TMEM102: variants seen among roughly 807,000 people sequenced by gnomAD.
TMEM102 encodes the protein transmembrane protein 102, also known as DANGER family member 2B.
Under a neutral mutation model 26.8 loss-of-function variants are expected in TMEM102, and 28 were observed. The ratio of observed to expected loss-of-function variants is 1.05; its 90% CI spans 0.77 to 1.43. The LOEUF is 1.43. Among genes scored for constraint, TMEM102 ranks in the 40% most tolerant of loss-of-function variants. TMEM102 has a pLI of 0.00. For synonymous variants in TMEM102, 306 were observed against 332.1 expected, an observed-to-expected ratio of 0.92 and a Z score of 0.86; for missense variants, 677 against 705.6, an observed-to-expected ratio of 0.96 and a Z score of 0.46.
In TMEM102 at chr17:7,436,237, G is replaced by C. The variant is rs1471740105; in HGVS notation, c.258G>C (p.Glu86Asp). The C allele has an allele frequency of 6.8e-6, 11 of 1,613,338 alleles. No homozygotes were observed. Among genetic ancestry groups the C allele is most frequent in the African/African-American group, 1.3e-5 (1 of 74,906 alleles). The change falls in exon 3 of 3, where the codon GAG becomes GAC. Residue 86 changes from glutamate (E) to aspartate (D), a missense_variant. Physicochemically the swap from Glu to Asp is conservative, Grantham distance 45 (BLOSUM62 2). Transcript: ENST00000323206. ...RRDPRFPPQAELLLLRGGIRE... is the reference protein window; with the variant it reads ...RRDPRFPPQADLLLLRGGIRE... ...ACCCTCGCTTTCCTCCCCAGGCAGA[G>C]CTCTTGCTGCTTCGTGGTGGGATTC...
At position 7,437,272 on chromosome 17, in the gene TMEM102, C is replaced by G. The variant is rs1908080090; in HGVS notation, c.1293C>G (p.Gly431=). 6.5e-7 allele frequency: 1 copy of G among 1,537,270 alleles called. No individual in the cohort carries two copies. Among genetic ancestry groups the G allele is most frequent in the East Asian group, 2.5e-5 (1 of 39,864 alleles). The change falls in exon 3 of 3, where the codon GGC becomes GGG. Residue 431 remains glycine, a synonymous_variant. Transcript: ENST00000323206. The surrounding 1 kb of genome is among the most constrained non-coding windows in gnomAD (Gnocchi z 4.2). ...ACCTGGCGCGGCCAGAAAATGCGGG[C>G]GCCTGCTGCCTCGGGCTGCTAGACG... ...ALYLARPENA[G]ACCLGLLDEL... is the part of the protein sequence containing the mutation.
Position 7,436,948 on chromosome 17 carries a change from C to A in TMEM102, c.969C>A (p.Ser323=). ...TCTTCGACCTGATCCCAGTGGTGTC[C>A]GTGGCGGGCTGGCCCGAGGGGGCTC... ...LLLFDLIPVV[S]VAGWPEGARS... The change falls in exon 3 of 3, where the codon TCC becomes TCA. Residue 323 remains serine, a synonymous_variant. Coordinates refer to ENST00000323206, the MANE Select transcript of TMEM102 (RefSeq NM_178518.3). 1 of 1,604,114 alleles carries A rather than the reference C, an allele frequency of 6.2e-7. No homozygotes were observed. The highest frequency in any genetic ancestry group is 8.5e-7 in the Non-Finnish European group (1 of 1,179,246).
rs1251227503 is a variant in TMEM102, at chr17:7,436,765, T to C, written c.786T>C (p.Cys262=). Residue 262 remains cysteine (C), a synonymous_variant, in exon 3 of 3, where the codon TGT becomes TGC. Transcript: ENST00000323206. ...SEAREAWPTL[C]SAQVAAWFFA... ...CTCGGGAAGCGTGGCCCACATTATG[T>C]TCCGCCCAGGTGGCTGCCTGGTTCT... is the stretch of plus-strand genomic sequence containing the variant. 6.2e-7 allele frequency: 1 copy of C among 1,613,696 alleles called. No homozygotes were observed. Among genetic ancestry groups the C allele is most frequent in the African/African-American group, 1.3e-5 (1 of 74,950 alleles).
chr17:7,436,599 A>G lies in TMEM102; in HGVS notation c.620A>G (p.Glu207Gly), dbSNP rs749632755. Reference protein sequence around the residue: ...VTEHEAPVSLEKSPSDVSASE... With the variant: ...VTEHEAPVSLGKSPSDVSASE... The stretch of plus-strand genomic sequence containing the variant: ...GAGCACGAGGCGCCGGTGTCTTTGG[A>G]AAAATCGCCTAGTGACGTTTCAGCG... Residue 207 changes from glutamate (E) to glycine (G), a missense_variant, in exon 3 of 3, where the codon GAA becomes GGA. By Grantham distance (98) the Glu-to-Gly change is moderately conservative. Coordinates refer to ENST00000323206, the MANE Select transcript of TMEM102 (RefSeq NM_178518.3). 1.9e-6 allele frequency: 3 copies of G among 1,613,970 alleles called. No homozygotes were observed. Among genetic ancestry groups the G allele is most frequent in the Admixed American group, 3.3e-5 (2 of 60,028 alleles).
rs1474427146 is a variant in TMEM102 at position 7,437,247 on chromosome 17, A to C, written c.1268A>C (p.Tyr423Ser). Reference sequence around the variant, plus strand: ...GCGTGCGAGCGGCTGCCTGCGCTCTACCTGGCGCGGCCAGAAAATGCGGGC... The same window carrying C: ...GCGTGCGAGCGGCTGCCTGCGCTCTCCCTGGCGCGGCCAGAAAATGCGGGC... The part of the protein sequence containing the change: ...YWACERLPAL[Y>S]LARPENAGAC... The change falls in exon 3 of 3, where the codon TAC (tyrosine) becomes TCC (serine). Residue 423 changes from tyrosine to serine, a missense_variant. Coordinates refer to ENST00000323206, the MANE Select transcript of TMEM102 (RefSeq NM_178518.3). This position sits in a 1 kb window ranked among gnomAD's most constrained non-coding sequence, Gnocchi z 4.2. 6.6e-7 allele frequency: 1 copy of C among 1,525,884 alleles called. No homozygotes were observed. Among genetic ancestry groups the C allele is most frequent in the African/African-American group, 1.4e-5 (1 of 69,592 alleles). 94.5% of individuals were successfully genotyped at this position (1,525,884 alleles called of 1,614,324 possible).
chr17:7,437,620 CTGGAAGACCTCCCTGT>C lies in TMEM102; in HGVS notation c.*118_*133del. 3 of 754,696 alleles carry C rather than the reference CTGGAAGACCTCCCTGT, an allele frequency of 4.0e-6. No individual in the cohort carries two copies. Among genetic ancestry groups the C allele is most frequent in the Non-Finnish European group, 5.7e-6 (3 of 529,994 alleles). The allele number at this position is 754,696 out of a possible 1,614,324, so 46.7% of individuals were successfully genotyped here. A position where few individuals can be genotyped will look rare whatever the true frequency, so the allele number is the denominator to read the frequency against. On this transcript the variant is annotated 3_prime_UTR_variant, in exon 3 of 3. Transcript: ENST00000323206. The surrounding 1 kb of genome is among the most constrained non-coding windows in gnomAD (Gnocchi z 4.2). ...GTGCCCTGGGCCTGAAGCCCCCCTT[CTGGAAGACCTCCCTGT>C]TGGTTCCTCCTCTACGCCCACCCGC...
In TMEM102 at chr17:7,435,922, G is replaced by A. The variant is rs896464953; in HGVS notation, c.51G>A (p.Pro17=). Residue 17 remains proline, a synonymous_variant, in exon 2 of 3, where the codon CCG becomes CCA. Transcript: ENST00000323206. The part of the protein sequence containing the change: ...GSAPWWGPPP[P]APARPLTDID... ...CCCCCTGGTGGGGCCCGCCGCCCCC[G>A]GCCCCAGCTCGGCCGCTCACGGACA... 1 of 1,611,300 alleles carries A rather than the reference G, an allele frequency of 6.2e-7. No homozygotes were observed. The highest frequency in any genetic ancestry group is 1.3e-5 in the African/African-American group (1 of 75,026).
At chr17:7,436,141 C>A in intron 2 of TMEM102, 53 bp from the exon 3 acceptor site, 1 of 1,601,846 alleles carries the variant, frequency 6.2e-7, no homozygotes, top group Non-Finnish European at 8.5e-7. Flanking sequence ...ACCACGCCCC[C>A]GCCCCCGCCC....
rs371928871 is a variant in TMEM102 at position 7,437,365 on chromosome 17, G to C, written c.1386G>C (p.Thr462=). 1 of 1,567,228 alleles carries C rather than the reference G, an allele frequency of 6.4e-7. No individual in the cohort carries two copies. Among genetic ancestry groups the C allele is most frequent in the South Asian group, 1.2e-5 (1 of 85,432 alleles). Residue 462 remains threonine (T), a synonymous_variant, in exon 3 of 3, where the codon ACG becomes ACC. Coordinates refer to ENST00000323206, the MANE Select transcript of TMEM102 (RefSeq NM_178518.3). This position sits in a 1 kb window ranked among gnomAD's most constrained non-coding sequence, Gnocchi z 4.2. ...TTCTGAACGGCCGACAGCTCCGTAC[G>C]GGGGACGACTCCGCTGCGCTGCTCG... ...HYFLNGRQLR[T]GDDSAALLGE...
Position 7,436,339 on chromosome 17 carries a change from A to T in TMEM102, c.360A>T (p.Thr120=). Residue 120 remains threonine (T), a synonymous_variant, in exon 3 of 3, where the codon ACA becomes ACT. Transcript: ENST00000323206. ...ARGPHYDAGF[T]LLVPMFSLDG... is the part of the protein sequence containing the mutation. ...GACCTCACTACGATGCCGGCTTCAC[A>T]CTCCTAGTGCCCATGTTTTCACTGG... The T allele has an allele frequency of 6.2e-7, 1 of 1,613,202 alleles. No homozygotes were observed. The highest frequency in any genetic ancestry group is 8.5e-7 in the Non-Finnish European group (1 of 1,179,890).
In TMEM102 at chr17:7,436,867, C is replaced by T. The variant is rs750771562; in HGVS notation, c.888C>T (p.His296=). The T allele has an allele frequency of 6.2e-7, 1 of 1,612,032 alleles. No homozygotes were observed. Among genetic ancestry groups the T allele is most frequent in the Non-Finnish European group, 8.5e-7 (1 of 1,179,954 alleles). Residue 296 remains histidine (H), a synonymous_variant, in exon 3 of 3, where the codon CAC becomes CAT. Coordinates refer to ENST00000323206, the MANE Select transcript of TMEM102 (RefSeq NM_178518.3). ...CGCGTCTGGTGCACGCAGCTCGCCA[C>T]GCGGGTTTCACCACCGTCCTCCTGG... is the stretch of plus-strand genomic sequence containing the variant. The part of the protein sequence containing the change: ...GAPRLVHAAR[H]AGFTTVLLAT...
chr17:7,436,882 C>G lies in TMEM102; in HGVS notation c.903C>G (p.Thr301=), dbSNP rs747525167. The G allele has an allele frequency of 1.9e-6, 3 of 1,611,222 alleles. No individual in the cohort carries two copies. Among genetic ancestry groups the G allele is most frequent in the Admixed American group, 1.7e-5 (1 of 60,014 alleles). The change falls in exon 3 of 3, where the codon ACC becomes ACG. Residue 301 remains threonine (T), a synonymous_variant. Transcript: ENST00000323206. ...CAGCTCGCCACGCGGGTTTCACCAC[C>G]GTCCTCCTGGCTACCCCTGAGCCCC... ...VHAARHAGFT[T]VLLATPEPPR... is the part of the protein sequence containing the mutation.
chr17:7,436,777 G>A lies in TMEM102; in HGVS notation c.798G>A (p.Val266=). The part of the protein sequence containing the change: ...EAWPTLCSAQ[V]AAWFFATLAA... Reference sequence around the variant, plus strand: ...GGCCCACATTATGTTCCGCCCAGGTGGCTGCCTGGTTCTTTGCTACGCTGG... The same window carrying A: ...GGCCCACATTATGTTCCGCCCAGGTAGCTGCCTGGTTCTTTGCTACGCTGG... The change falls in exon 3 of 3, where the codon GTG becomes GTA. Residue 266 remains valine (V), a synonymous_variant. Coordinates refer to ENST00000323206, the MANE Select transcript of TMEM102 (RefSeq NM_178518.3). 1 of 1,613,806 alleles carries A rather than the reference G, an allele frequency of 6.2e-7. No homozygotes were observed. Among genetic ancestry groups the A allele is most frequent in the South Asian group, 1.1e-5 (1 of 91,088 alleles).
rs1908050330 is a variant in TMEM102, at chr17:7,436,891, GGCT to G, written c.913_915del (p.Ala305del). 2.5e-6 allele frequency: 4 copies of G among 1,610,446 alleles called. No homozygotes were observed. Among genetic ancestry groups the G allele is most frequent in the Non-Finnish European group, 3.4e-6 (4 of 1,179,876 alleles). The stretch of plus-strand genomic sequence containing the variant: ...ACGCGGGTTTCACCACCGTCCTCCT[GGCT>G]ACCCCTGAGCCCCCTCGCCGCCTCC... On this transcript the variant is annotated inframe_deletion, in exon 3 of 3. Coordinates refer to ENST00000323206, the MANE Select transcript of TMEM102 (RefSeq NM_178518.3).
rs781199297 is a variant in TMEM102 at position 7,436,246 on chromosome 17, G to A, written c.267G>A (p.Leu89=). 6.2e-7 allele frequency: 1 copy of A among 1,613,432 alleles called. No individual in the cohort carries two copies. Among genetic ancestry groups the A allele is most frequent in the Non-Finnish European group, 8.5e-7 (1 of 1,180,032 alleles). Residue 89 remains leucine (L), a synonymous_variant, in exon 3 of 3, where the codon CTG becomes CTA. Transcript: ENST00000323206. ...TTCCTCCCCAGGCAGAGCTCTTGCT[G>A]CTTCGTGGTGGGATTCGCGAGGGCT... is the stretch of plus-strand genomic sequence containing the variant. The part of the protein sequence containing the change: ...PRFPPQAELL[L]LRGGIREGSL...
rs1016285320 is a variant in TMEM102 at position 7,436,708 on chromosome 17, C to G, written c.729C>G (p.Ala243=). The change falls in exon 3 of 3, where the codon GCC becomes GCG. Residue 243 remains alanine (A), a synonymous_variant. Coordinates refer to ENST00000323206, the MANE Select transcript of TMEM102 (RefSeq NM_178518.3). ...KTMSSDVTKA[A]VESPVPKPSE... ...TGAGTAGTGACGTCACCAAGGCAGC[C>G]GTCGAAAGCCCAGTCCCAAAGCCGT... 3.1e-6 allele frequency: 5 copies of G among 1,613,698 alleles called. No homozygotes were observed. In the East Asian group the frequency reaches 8.9e-5, roughly 29 times the overall value.
rs775723296 is a variant in TMEM102 at position 7,437,473 on chromosome 17, C to T, written c.1494C>T (p.Gly498=). 7.9e-5 allele frequency: 110 copies of T among 1,394,040 alleles called. No homozygotes were observed. Among genetic ancestry groups the T allele is most frequent in the Middle Eastern group, 2.1e-4 (1 of 4,832 alleles). 86.4% of individuals were successfully genotyped at this position (1,394,040 alleles called of 1,614,324 possible). A position where few individuals can be genotyped will look rare whatever the true frequency, so the allele number is the denominator to read the frequency against. ...VEEAKVARKG[G]GLAGVGGGAH ...AGGCCAAAGTGGCCCGCAAGGGGGG[C>T]GGTTTGGCGGGCGTGGGGGGCGGGG... is the stretch of plus-strand genomic sequence containing the variant. The change falls in exon 3 of 3, where the codon GGC becomes GGT. Residue 498 remains glycine, a synonymous_variant. Transcript: ENST00000323206. The surrounding 1 kb of genome is among the most constrained non-coding windows in gnomAD (Gnocchi z 4.2).
In TMEM102 at chr17:7,435,989, CTGATCCAGG is replaced by C; in HGVS notation, c.119_127del (p.Leu40_Glu43delinsGln). 2.5e-6 allele frequency: 4 copies of C among 1,613,528 alleles called. No homozygotes were observed. The highest frequency in any genetic ancestry group is 3.4e-6 in the Non-Finnish European group (4 of 1,180,040). On this transcript the variant is annotated inframe_deletion, in exon 2 of 3. Transcript: ENST00000323206. ...GGCGCAGCTGCAGGAATTGACCCAG[CTGATCCAGG>C]AGCTGGGTGTGCAGGAGAGCTGGAG...
Position 7,435,676 on chromosome 17 carries a change from A to G in TMEM102, c.-40A>G. ...ATGGGGGCGGGGACCTGCCTATGAG[A>G]AAAGGGCCAGGATAGAAGAGGTATT... On this transcript the variant is annotated 5_prime_UTR_variant, in exon 1 of 3. Transcript: ENST00000323206. 1 of 525,250 alleles carries G rather than the reference A, an allele frequency of 1.9e-6. No homozygotes were observed. Among genetic ancestry groups the G allele is most frequent in the Non-Finnish European group, 3.3e-6 (1 of 299,316 alleles). 32.5% of individuals were successfully genotyped at this position (525,250 alleles called of 1,614,324 possible). A position where few individuals can be genotyped will look rare whatever the true frequency, so the allele number is the denominator to read the frequency against.
Sources: allele counts gnomAD v4.1 joint callset, GRCh38; gene constraint gnomAD v4.1.1; non-coding constraint Gnocchi (gnomAD v3.1); transcripts MANE v1.5; gene names NCBI Gene and HGNC (gene_info 2026-07-23, HGNC 2026-07-21).